The following ZZEF1 variants were observed in gnomAD, a reference collection of about 807,000 sequenced individuals.
ZZEF1 encodes zinc finger ZZ-type and EF-hand domain containing 1.
ZZEF1 carries 157 observed loss-of-function variants against 342.8 expected under a neutral mutation model. The ratio of observed to expected loss-of-function variants is 0.46; its 90% CI spans 0.40 to 0.52. ZZEF1 has a LOEUF of 0.52. Among genes scored for constraint, ZZEF1 ranks in the 20% least tolerant of loss-of-function variants. ZZEF1 has a pLI of 0.00. For missense variants in ZZEF1, 3,480 were observed against 3,725.6 expected (o/e 0.93, Z 1.72); for synonymous variants, 1,505 against 1,429.1 (o/e 1.05, Z -1.20).
At chr17:4,059,479 G>A (rs1462972482) in intron 30 of ZZEF1, among the ~76,000 whole-genome samples, 189 bp from the exon 31 acceptor site, 2 of 147,846 alleles carry the variant, frequency 1.4e-5, no homozygotes, top group Non-Finnish European at 3.0e-5. Flanking sequence ...TCCCTCTGAC[G>A]GGCTCAAGAG....
intron 43 of ZZEF1, among the ~76,000 whole-genome samples, chr17:4,023,286 C>T (rs1281069507): frequency 2.0e-5 from 3 of 152,100 alleles, no homozygotes; most frequent in African/African-American, 4.8e-5. Flanking sequence ...CAGTTTTTCT[C>T]GCAGGCCCCC....
intron 33 of ZZEF1, among the ~76,000 whole-genome samples, chr17:4,055,513 A>G (rs1054767044): frequency 2.6e-5 from 4 of 152,186 alleles, no homozygotes; most frequent in South Asian, 2.1e-4. Context: ...CTCTCTATAC[A>G]TAACGGCTGC....
In ZZEF1 at chr17:4,032,157, A is replaced by G. The variant is rs1163148912; in HGVS notation, c.6861T>C (p.Ile2287=). Residue 2287 remains isoleucine, a synonymous_variant, in exon 42 of 55, where the codon ATT becomes ATC. Coordinates refer to ENST00000381638, the MANE Select transcript of ZZEF1 (RefSeq NM_015113.4). ...TCCTCTTCCGAGTTTTGACATCAAC[A>G]ATCACAGCCCTGTTCTTCTCAGTAA... ...KHFTEKNRAV[I]VDVKTRKRKT... 1.2e-6 allele frequency: 2 copies of G among 1,611,760 alleles called. No homozygotes were observed. The highest frequency in any genetic ancestry group is 2.2e-5 in the East Asian group (1 of 44,824).
chr17:4,057,837 AT>A (rs1207413607), intron 32 of ZZEF1, among the ~76,000 whole-genome samples, 156 bp downstream of exon 32: 1 of 152,208 alleles, frequency 6.6e-6, no homozygotes, highest in African/African-American at 2.4e-5. Context: ...CAGAGGGATT[AT>A]AAGACTTGCG....
chr17:4,063,262 A>G (rs984299954), intron 29 of ZZEF1, among the ~76,000 whole-genome samples: 1 of 152,208 alleles, frequency 6.6e-6, no homozygotes, highest in African/African-American at 2.4e-5. Flanking sequence ...ACTTCCAGAG[A>G]TGTAGGCCTA....
chr17:4,031,622 G>A (rs1256052169), intron 42 of ZZEF1, among the ~76,000 whole-genome samples: 1 of 152,128 alleles, frequency 6.6e-6, no homozygotes, highest in Non-Finnish European at 1.5e-5. Context: ...ATGGCTTCAC[G>A]AGCAGAACTG....
In ZZEF1 at chr17:4,042,537, C is replaced by G. The variant is rs775652406; in HGVS notation, c.6198G>C (p.Lys2066Asn). The G allele has an allele frequency of 6.2e-7, 1 of 1,613,614 alleles. No individual in the cohort carries two copies. Among genetic ancestry groups the G allele is most frequent in the South Asian group, 1.1e-5 (1 of 90,938 alleles). Residue 2066 changes from lysine to asparagine, a missense_variant, in exon 39 of 55, where the codon AAG (lysine) becomes AAC (asparagine). Around this residue, in one of 5 missense-constraint regions of ZZEF1, gnomAD observed 1,269 missense variants for 1,342.4 expected, o/e 0.95. Transcript: ENST00000381638. The part of the protein sequence containing the change: ...DAEDSEVSSQ[K>N]PIEEKAVTPS... ...GAGTAACTGCTTTTTCCTCTATGGG[C>G]TTCTGAGATGACACTTCTGAATCTT...
At chr17:4,044,665 C>T (rs1453052397) in intron 37 of ZZEF1, among the ~76,000 whole-genome samples, 2 of 151,906 alleles carry the variant, frequency 1.3e-5, no homozygotes, top group Admixed American at 6.6e-5. Flanking sequence ...ACTACAGGTG[C>T]GTGCCACCAT....
At position 4,016,629 on chromosome 17, in the gene ZZEF1, T is replaced by G; in HGVS notation, c.8002-163A>C. On this transcript the variant is annotated intron_variant, in intron 48 of 54. Coordinates refer to ENST00000381638, the MANE Select transcript of ZZEF1 (RefSeq NM_015113.4). This position sits in a 1 kb window ranked among gnomAD's most constrained non-coding sequence, Gnocchi z 4.4. ...CAAAACCAACTCCACCAGCCACCTC[T>G]CACTTGACCAGGCTCTTGGTGTCAA... The G allele has an allele frequency of 4.4e-6, 3 of 683,732 alleles. No individual in the cohort carries two copies. Among genetic ancestry groups the G allele is most frequent in the Non-Finnish European group, 7.2e-6 (3 of 417,082 alleles). 42.4% of individuals were successfully genotyped at this position (683,732 alleles called of 1,614,324 possible).
chr17:4,128,482 C>A (rs920510464), intron 1 of ZZEF1, among the ~76,000 whole-genome samples: 3 of 139,782 alleles, frequency 2.1e-5, no homozygotes, highest in African/African-American at 5.3e-5. Context: ...AAATTTGACA[C>A]AGAGTTTAGT....
chr17:4,011,693 T>C (rs1157487983), intron 52 of ZZEF1, among the ~76,000 whole-genome samples: 1 of 152,204 alleles, frequency 6.6e-6, no homozygotes, highest in Non-Finnish European at 1.5e-5. Context: ...TATTGGATTT[T>C]GCTTTTTTTT....
chr17:4,123,274 T>C (rs2058515885), intron 2 of ZZEF1, among the ~76,000 whole-genome samples: 1 of 77,832 alleles, frequency 1.3e-5, no homozygotes, highest in African/African-American at 5.6e-5. Flanking sequence ...TAACCATATA[T>C]ATATATATAT....
chr17:4,022,456 A>C (rs1243503166), intron 44 of ZZEF1: 2 of 421,472 alleles, frequency 4.7e-6, no homozygotes, highest in Non-Finnish European at 8.6e-6. Flanking sequence ...TATAATGGTT[A>C]ATCATGTGTT....
At chr17:4,009,823 C>G in intron 52 of ZZEF1, 66 bp from the exon 53 acceptor site, 2 of 1,560,792 alleles carry the variant, frequency 1.3e-6, no homozygotes, top group Non-Finnish European at 1.7e-6. Context: ...TGGCTTACAG[C>G]TGGCAGGAAC....
At chr17:4,098,412 A>AAATG (rs1053447248) in intron 9 of ZZEF1, among the ~76,000 whole-genome samples, 3 of 151,874 alleles carry the variant, frequency 2.0e-5, no homozygotes, top group South Asian at 2.1e-4. Context: ...ACCCTGTCTC[A>AAATG]AATGAATGAA....
intron 27 of ZZEF1, 47 bp from the exon 28 acceptor site, chr17:4,066,587 G>A (rs544583430): frequency 2.6e-6 from 4 of 1,562,994 alleles, no homozygotes; most frequent in Non-Finnish European, 3.5e-6. Flanking sequence ...AGGCAGGGAA[G>A]CAAGGACAGC....
chr17:4,112,890 C>T, intron 4 of ZZEF1, 82 bp from the exon 5 acceptor site: 1 of 1,240,058 alleles, frequency 8.1e-7, no homozygotes, highest in South Asian at 1.6e-5. Context: ...CCTCAAAGAG[C>T]TTACATTTGA....
chr17:4,087,180 A>G (rs1372863397), intron 14 of ZZEF1, among the ~76,000 whole-genome samples: 1 of 152,196 alleles, frequency 6.6e-6, no homozygotes, highest in Non-Finnish European at 1.5e-5. Context: ...GCGCCCAGGC[A>G]GGAAGTTCAT....
At chr17:4,082,798 G>A (rs142834879) in intron 16 of ZZEF1, among the ~76,000 whole-genome samples, 74 of 151,950 alleles carry the variant, frequency 4.9e-4, no homozygotes, top group East Asian at 4.2e-3. Flanking sequence ...TTTTTGAGAC[G>A]GAATTTCGCT....
Sources: allele counts gnomAD v4.1 joint callset (sites outside exome capture counted in the v4.1 genomes callset), GRCh38; gene constraint gnomAD v4.1.1; regional missense constraint gnomAD v4.1.1; non-coding constraint Gnocchi (gnomAD v3.1); transcripts MANE v1.5; gene names NCBI Gene and HGNC (gene_info 2026-07-23, HGNC 2026-07-21).